Variants in DLL4 observed in about 807,000 individuals in gnomAD.
DLL4 encodes the protein delta-like protein 4.
DLL4 carries 7 observed loss-of-function variants against 73.6 expected under a neutral mutation model. That is an observed-to-expected ratio of 0.10 (90% CI 0.05 to 0.18). The LOEUF is 0.18. DLL4 is among the 10% of genes least tolerant of loss of function. The pLI, the probability that DLL4 is intolerant of heterozygous loss-of-function variation, is 1.00. For synonymous variants in DLL4, 345 were observed against 374.3 expected (o/e 0.92, Z 0.90); for missense variants, 614 against 929.9 (o/e 0.66, Z 4.42).
chr15:40,935,131 C>T lies in DLL4; in HGVS notation c.1240+14C>T, dbSNP rs56107466. 6.2e-7 allele frequency: 1 copy of T among 1,605,348 alleles called. No homozygotes were observed. Among genetic ancestry groups the T allele is most frequent in the Non-Finnish European group, 8.5e-7 (1 of 1,177,432 alleles). Reference sequence around the variant, plus strand: ...CCTGTGCCAACGGTGCGTGCTGCTGCCCTGCTAACCTGGTGGACTGGCCCT... The same window carrying T: ...CCTGTGCCAACGGTGCGTGCTGCTGTCCTGCTAACCTGGTGGACTGGCCCT... On this transcript the variant is annotated intron_variant, in intron 8 of 10. Coordinates refer to ENST00000249749, the MANE Select transcript of DLL4 (RefSeq NM_019074.4).
intron 6 of DLL4, among the ~76,000 whole-genome samples, chr15:40,934,346 A>C (rs924507526): frequency 7.3e-5 from 11 of 151,550 alleles, no homozygotes; most frequent in African/African-American, 2.7e-4. Flanking sequence ...AAAAGAAGGA[A>C]AGAAAGAGAA....
chr15:40,935,786 A>G (rs1010312847), intron 8 of DLL4, among the ~76,000 whole-genome samples: 1 of 152,218 alleles, frequency 6.6e-6, no homozygotes, highest in Non-Finnish European at 1.5e-5. Context: ...TAAAACAGTC[A>G]TGATTGTACT....
Position 40,938,177 on chromosome 15 carries a change from G to A in DLL4, c.*143G>A. The A allele has an allele frequency of 3.2e-6, 3 of 932,702 alleles. No individual in the cohort carries two copies. The highest frequency in any genetic ancestry group is 4.5e-6 in the Non-Finnish European group (3 of 666,272). The allele number at this position is 932,702 out of a possible 1,614,324, so 57.8% of individuals were successfully genotyped here. A position where few individuals can be genotyped will look rare whatever the true frequency, so the allele number is the denominator to read the frequency against. On this transcript the variant is annotated 3_prime_UTR_variant, in exon 11 of 11. Coordinates refer to ENST00000249749, the MANE Select transcript of DLL4 (RefSeq NM_019074.4). Reference sequence around the variant, plus strand: ...AGGAGGGAATGGCAGGAACCGGACAGACTGTGAACTTGCCAAGAGATGCAA... The same window carrying A: ...AGGAGGGAATGGCAGGAACCGGACAAACTGTGAACTTGCCAAGAGATGCAA...
rs1596194291 is a variant in DLL4, at chr15:40,935,113, C to T, written c.1236C>T (p.Ala412=). ...KVDRCTSNPC[A]NGGQCLNRGP... The stretch of plus-strand genomic sequence containing the variant: ...ACAGGTGCACCAGCAACCCCTGTGC[C>T]AACGGTGCGTGCTGCTGCCCTGCTA... The change falls in exon 8 of 11, where the codon GCC becomes GCT. Residue 412 remains alanine, a synonymous_variant. Transcript: ENST00000249749. 14 of 1,611,512 alleles carry T rather than the reference C, an allele frequency of 8.7e-6. No individual in the cohort carries two copies. The highest frequency in any genetic ancestry group is 1.2e-5 in the Non-Finnish European group (14 of 1,179,658).
In DLL4 at chr15:40,930,670, G is replaced by A. The variant is rs374022749; in HGVS notation, c.382G>A (p.Asp128Asn). ...IIEAWHAPGD[D>N]LRPEALPPDA... ...CGAAGCTTGGCACGCGCCAGGAGAC[G>A]ACCTGCGGCCAGGTGAGTAGCTCGC... Residue 128 changes from aspartate to asparagine, a missense_variant, in exon 3 of 11, where the codon GAC (aspartate) becomes AAC (asparagine). By Grantham distance (23) the Asp-to-Asn change is conservative. Around this residue, in one of 3 missense-constraint regions of DLL4, gnomAD observed 227 missense variants for 370.8 expected, o/e 0.61. Coordinates refer to ENST00000249749, the MANE Select transcript of DLL4 (RefSeq NM_019074.4). The surrounding 1 kb of genome is among the most constrained non-coding windows in gnomAD (Gnocchi z 5.7). 3.6e-5 allele frequency: 58 copies of A among 1,613,664 alleles called. No individual in the cohort carries two copies. Among genetic ancestry groups the A allele is most frequent in the Admixed American group, 1.5e-4 (9 of 60,004 alleles).
chr15:40,933,268 T>TTGTGTG (rs113508793), intron 6 of DLL4, among the ~76,000 whole-genome samples: 5,388 of 147,386 alleles, frequency 0.037, 124 homozygotes, highest in South Asian at 0.075. Context: ...AGTCCCTGTG[T>TTGTGTG]TGTGTGTGTG....
rs913839468 is a variant in DLL4 at position 40,935,026 on chromosome 15, G to A, written c.1149G>A (p.Gly383=). Residue 383 remains glycine, a synonymous_variant, in exon 8 of 11, where the codon GGG becomes GGA. Transcript: ENST00000249749. ...GCTCCTGCCGGGAGCGCAACCAGGGGGCCAACTATGCTTGTGAATGTCCCC... is the reference window on the plus strand; with the variant it reads ...GCTCCTGCCGGGAGCGCAACCAGGGAGCCAACTATGCTTGTGAATGTCCCC... The part of the protein sequence containing the change: ...NGGSCRERNQ[G]ANYACECPPN... 1.9e-6 allele frequency: 3 copies of A among 1,613,542 alleles called. No homozygotes were observed. Among genetic ancestry groups the A allele is most frequent in the Admixed American group, 3.3e-5 (2 of 60,034 alleles).
At chr15:40,935,170 A>G in intron 8 of DLL4, 53 bp downstream of exon 8, 1 of 1,535,082 alleles carries the variant, frequency 6.5e-7, no homozygotes, top group Non-Finnish European at 8.8e-7. Context: ...GCTGAGAGAG[A>G]CTTCTGGTGA....
chr15:40,934,015 C>CA (rs59066863), intron 6 of DLL4, among the ~76,000 whole-genome samples: 480 of 42,110 alleles, frequency 0.011, 27 homozygotes, highest in Non-Finnish European at 0.013. Flanking sequence ...GACTCCGTCT[C>CA]AAAAAAAAAA....
Position 40,936,641 on chromosome 15 carries a change from G to T in DLL4, c.1654G>T (p.Val552Leu). ...LVLLGMVAVAVRQLRLRRPDD... is the reference protein window; with the variant it reads ...LVLLGMVAVALRQLRLRRPDD... ...ACTGCTGGGCATGGTGGCAGTGGCT[G>T]TGCGGCAGCTGCGGCTTCGACGGCC... The change falls in exon 9 of 11, where the codon GTG becomes TTG. Residue 552 changes from valine to leucine, a missense_variant. Physicochemically the swap from Val to Leu is conservative, Grantham distance 32. This residue lies in a region of DLL4 where 386 missense variants were observed against 541.3 expected (regional missense o/e 0.71). Transcript: ENST00000249749. 6.2e-7 allele frequency: 1 copy of T among 1,610,868 alleles called. No homozygotes were observed. Among genetic ancestry groups the T allele is most frequent in the Non-Finnish European group, 8.5e-7 (1 of 1,179,380 alleles).
intron 8 of DLL4, 59 bp from the exon 9 acceptor site, chr15:40,936,169 C>A: frequency 7.0e-7 from 1 of 1,435,656 alleles, no homozygotes; most frequent in South Asian, 1.4e-5. Context: ...GGGGCTCCCA[C>A]CCCCTGCCCC....
At position 40,936,270 on chromosome 15, in the gene DLL4, G is replaced by T; in HGVS notation, c.1283G>T (p.Cys428Phe). 6.2e-7 allele frequency: 1 copy of T among 1,608,022 alleles called. No homozygotes were observed. The change falls in exon 9 of 11, where the codon TGC (cysteine) becomes TTC (phenylalanine). Residue 428 changes from cysteine (C) to phenylalanine (F), a missense_variant. By Grantham distance (205) the Cys-to-Phe change is radical. Transcript: ENST00000249749. ...CGAGGTCCAAGCCGCATGTGCCGCT[G>T]CCGTCCTGGATTCACGGGCACCTAC... ...LNRGPSRMCR[C>F]RPGFTGTYCE...
chr15:40,937,969 G>A lies in DLL4; in HGVS notation c.2053-60G>A, dbSNP rs1724819129. 5 of 1,590,310 alleles carry A rather than the reference G, an allele frequency of 3.1e-6. No homozygotes were observed. In the African/African-American group the frequency reaches 4.0e-5, roughly 13 times the overall value. On this transcript the variant is annotated intron_variant, in intron 10 of 10. Coordinates refer to ENST00000249749, the MANE Select transcript of DLL4 (RefSeq NM_019074.4). ...CTTCTCCCAGGGAGGCCCAGGGAGGGCCTGGAGGGAGTGCGCATGCCCAGG... is the reference window on the plus strand; with the variant it reads ...CTTCTCCCAGGGAGGCCCAGGGAGGACCTGGAGGGAGTGCGCATGCCCAGG...
intron 10 of DLL4, 122 bp downstream of exon 10, chr15:40,937,648 G>A (rs890643368): frequency 5.2e-6 from 4 of 769,332 alleles, no homozygotes; most frequent in African/African-American, 5.1e-5. Context: ...GCCAAGTTCA[G>A]TGGACTCTTG....
At position 40,930,695 on chromosome 15, in the gene DLL4, C is replaced by T; in HGVS notation, c.394+13C>T. On this transcript the variant is annotated intron_variant, in intron 3 of 10. Transcript: ENST00000249749. The surrounding 1 kb of genome is among the most constrained non-coding windows in gnomAD (Gnocchi z 5.7). ...GACCTGCGGCCAGGTGAGTAGCTCG[C>T]TCCGCCACCACAGGGGGGCGACACG... The T allele has an allele frequency of 6.2e-7, 1 of 1,613,082 alleles. No individual in the cohort carries two copies. The highest frequency in any genetic ancestry group is 8.5e-7 in the Non-Finnish European group (1 of 1,179,368).
chr15:40,934,263 T>G (rs1210662641), intron 6 of DLL4, among the ~76,000 whole-genome samples: 2 of 148,432 alleles, frequency 1.3e-5, no homozygotes, highest in Non-Finnish European at 3.0e-5. Context: ...AAGGCGAAGG[T>G]TGTAGTGAGC....
intron 8 of DLL4, 59 bp from the exon 9 acceptor site, chr15:40,936,169 C>G: frequency 7.0e-7 from 1 of 1,435,656 alleles, no homozygotes; most frequent in South Asian, 1.4e-5. Flanking sequence ...GGGGCTCCCA[C>G]CCCCTGCCCC....
intron 3 of DLL4, 56 bp from the exon 4 acceptor site, chr15:40,931,447 A>C (rs1892768543): frequency 1.9e-6 from 3 of 1,555,774 alleles, no homozygotes; most frequent in Non-Finnish European, 2.6e-6. Context: ...GCCAGCCGTC[A>C]CTGGCACCCT....
At position 40,931,726 on chromosome 15, in the gene DLL4, G is replaced by T. The variant is rs1271369942; in HGVS notation, c.618G>T (p.Leu206Phe). The change falls in exon 4 of 11, where the codon TTG becomes TTT. Residue 206 changes from leucine (L) to phenylalanine (F), a missense_variant. By Grantham distance (22) the Leu-to-Phe change is conservative. Coordinates refer to ENST00000249749, the MANE Select transcript of DLL4 (RefSeq NM_019074.4). ...GHYVCQPDGN[L>F]SCLPGWTGEY... The stretch of plus-strand genomic sequence containing the variant: ...ATGTGTGCCAGCCAGATGGCAACTT[G>T]TCCTGCCTGCCCGGTTGGACTGGGG... 1 of 1,613,810 alleles carries T rather than the reference G, an allele frequency of 6.2e-7. No homozygotes were observed. Among genetic ancestry groups the T allele is most frequent in the South Asian group, 1.1e-5 (1 of 91,074 alleles).
Sources: allele counts gnomAD v4.1 joint callset (sites outside exome capture counted in the v4.1 genomes callset), GRCh38; gene constraint gnomAD v4.1.1; regional missense constraint gnomAD v4.1.1; non-coding constraint Gnocchi (gnomAD v3.1); transcripts MANE v1.5; gene names NCBI Gene and HGNC (gene_info 2026-07-23, HGNC 2026-07-21).